The following EXOC6B variants were observed in gnomAD, a reference collection of about 807,000 sequenced individuals.
EXOC6B encodes SEC15 homolog B.
Under a neutral mutation model 113.5 loss-of-function variants are expected in EXOC6B, and 54 were observed. The observed-to-expected ratio is 0.48, with a 90% CI of 0.38 to 0.60. The LOEUF (loss-of-function observed/expected upper bound fraction) is 0.60. Ranked by LOEUF, EXOC6B falls within the 20% of genes least tolerant of loss-of-function variation. The probability of loss-of-function intolerance (pLI) is 0.00; values close to 1 mark genes in which losing one functional copy is unlikely to be tolerated. For synonymous variants in EXOC6B, 357 were observed against 339.0 expected (o/e 1.05, Z -0.58); for missense variants, 797 against 977.5 (o/e 0.82, Z 2.46).
chr2:72,393,635 C>T (rs1338710562), intron 18 of EXOC6B, among the ~76,000 whole-genome samples: 1 of 152,004 alleles, frequency 6.6e-6, no homozygotes, highest in Non-Finnish European at 1.5e-5. Flanking sequence ...TATATGAAAC[C>T]AGAAGAAAAC....
Position 72,177,343 on chromosome 2 carries a change from GC to G in EXOC6B, c.*1991del, listed in dbSNP as rs1677791185. Reference sequence around the variant, plus strand: ...TCCATTTCCACTTCAAAGTCTCTCAGCACTTAAAGCTGAAGAGATCTTGCTG... The same window carrying G: ...TCCATTTCCACTTCAAAGTCTCTCAGACTTAAAGCTGAAGAGATCTTGCTG... On this transcript the variant is annotated 3_prime_UTR_variant, in exon 22 of 22. Transcript: ENST00000272427. 6.6e-6 allele frequency: 1 copy of G among 152,200 alleles called. No homozygotes were observed. Among genetic ancestry groups the G allele is most frequent in the Non-Finnish European group, 1.5e-5 (1 of 68,042 alleles). 9.4% of individuals were successfully genotyped at this position (152,200 alleles called of 1,614,324 possible).
At chr2:72,363,617 G>T (rs1690447237) in intron 19 of EXOC6B, among the ~76,000 whole-genome samples, 1 of 152,022 alleles carries the variant, frequency 6.6e-6, no homozygotes, top group Admixed American at 6.6e-5. Flanking sequence ...TGATGATGAT[G>T]ATGATGATGA....
chr2:72,649,099 C>G (rs1414507654), intron 6 of EXOC6B, among the ~76,000 whole-genome samples: 1 of 152,068 alleles, frequency 6.6e-6, no homozygotes, highest in Non-Finnish European at 1.5e-5. Context: ...ATAATCACAC[C>G]ACTGCTTTCC....
At chr2:72,757,735 A>C (rs569551709) in intron 1 of EXOC6B, among the ~76,000 whole-genome samples, 2 of 152,310 alleles carry the variant, frequency 1.3e-5, no homozygotes, top group East Asian at 3.9e-4. Flanking sequence ...AATGAAATGA[A>C]AACTCCTTCT....
At chr2:72,259,804 A>G (rs1683595189) in intron 20 of EXOC6B, among the ~76,000 whole-genome samples, 1 of 144,554 alleles carries the variant, frequency 6.9e-6, no homozygotes, top group Non-Finnish European at 1.5e-5. Context: ...TAATCCCAGC[A>G]CTTTGGGAAG....
In EXOC6B at chr2:72,823,471, AAAAAAAACAAAAAAC is replaced by A. The variant is rs1457075785; in HGVS notation, c.113+2312_113+2326del. Among the ~76,000 whole-genome samples the A allele has an allele frequency of 8.4e-4, 117 of 138,798 alleles. 11 individuals carry two copies. The highest frequency in any genetic ancestry group is 2.6e-3 in the African/African-American group (89 of 34,562). The allele number at this position is 138,798 out of a possible 152,430, so 91.1% of individuals were successfully genotyped here. A position where few individuals can be genotyped will look rare whatever the true frequency, so the allele number is the denominator to read the frequency against. On this transcript the variant is annotated intron_variant, in intron 1 of 21. Transcript: ENST00000272427. ...ATCAAAGTTTTAAGAAAAAAAAAAA[AAAAAAAACAAAAAAC>A]AAAAAAAAAGACAGTGGCCAGGCAC...
intron 1 of EXOC6B, among the ~76,000 whole-genome samples, chr2:72,823,486 C>CAAAAAAAA (rs1334851778): frequency 1.0e-5 from 1 of 97,016 alleles, no homozygotes. Context: ...AAACAAAAAA[C>CAAAAAAAA]AAAAAAAAAG....
rs181017824 is a variant in EXOC6B at position 72,380,362 on chromosome 2, A to G, written c.1981-492T>C. Among the ~76,000 whole-genome samples the G allele has an allele frequency of 2.8e-3, 434 of 152,332 alleles. 1 individual carries two copies. Among genetic ancestry groups the G allele is most frequent in the African/African-American group, 9.9e-3 (412 of 41,572 alleles). On this transcript the variant is annotated intron_variant, in intron 18 of 21. Coordinates refer to ENST00000272427, the MANE Select transcript of EXOC6B (RefSeq NM_015189.3). ...ATATAAAGTGAAAATAATTATGGCC[A>G]GGAGCGGTGGCTCACGCCTGTAATA...
At chr2:72,251,083 C>A (rs1191330736) in intron 20 of EXOC6B, among the ~76,000 whole-genome samples, 2 of 118,874 alleles carry the variant, frequency 1.7e-5, no homozygotes, top group African/African-American at 5.4e-5. Context: ...CCCCCTTGGC[C>A]TTTACTTGCT....
chr2:72,601,393 G>A (rs2104003103), intron 6 of EXOC6B, among the ~76,000 whole-genome samples: 1 of 152,010 alleles, frequency 6.6e-6, no homozygotes, highest in African/African-American at 2.4e-5. Context: ...CCATGTGTTA[G>A]CCAGGATGGT....
intron 20 of EXOC6B, among the ~76,000 whole-genome samples, chr2:72,328,610 T>A (rs549827957): frequency 6.6e-6 from 1 of 152,058 alleles, no homozygotes; most frequent in South Asian, 2.1e-4. Context: ...ATTAGGGAGG[T>A]CTATATCTAT....
At chr2:72,302,219 T>G (rs1021774047) in intron 20 of EXOC6B, among the ~76,000 whole-genome samples, 1 of 152,210 alleles carries the variant, frequency 6.6e-6, no homozygotes, top group African/African-American at 2.4e-5. Flanking sequence ...GGTATGATTT[T>G]GATTCTTTTG....
rs1686865334 is a variant in EXOC6B at position 72,825,749 on chromosome 2, C to A, written c.113+49G>T. On this transcript the variant is annotated intron_variant, in intron 1 of 21. Transcript: ENST00000272427. This position sits in a 1 kb window ranked among gnomAD's most constrained non-coding sequence, Gnocchi z 4.4. ...CGGAGGCCCGACCCAGAGGAGCCTG[C>A]CCCGTCCCGCCCGTTCCCGCCCCTC... The A allele has an allele frequency of 1.3e-6, 2 of 1,571,876 alleles. No individual in the cohort carries two copies. The highest frequency in any genetic ancestry group is 1.7e-5 in the Admixed American group (1 of 57,606).
chr2:72,375,719 CAAAT>C (rs1691318038), intron 19 of EXOC6B, among the ~76,000 whole-genome samples: 1 of 151,832 alleles, frequency 6.6e-6, no homozygotes, highest in African/African-American at 2.4e-5. Flanking sequence ...AAGATAATCT[CAAAT>C]AAATTATCTA....
chr2:72,394,258 T>C lies in EXOC6B; in HGVS notation c.1981-14388A>G, dbSNP rs1401252571. Among the ~76,000 whole-genome samples the C allele has an allele frequency of 5.9e-5, 9 of 152,314 alleles. 1 individual carries two copies. Among genetic ancestry groups the C allele is most frequent in the Admixed American group, 5.9e-4 (9 of 15,300 alleles). Reference sequence around the variant, plus strand: ...CATATTTTACAAAGTATATCTTTTATAGTCATATGATTTTGTTTTTTTATT... The same window carrying C: ...CATATTTTACAAAGTATATCTTTTACAGTCATATGATTTTGTTTTTTTATT... On this transcript the variant is annotated intron_variant, in intron 18 of 21. Coordinates refer to ENST00000272427, the MANE Select transcript of EXOC6B (RefSeq NM_015189.3).
chr2:72,528,764 G>A (rs1483533604), intron 8 of EXOC6B, among the ~76,000 whole-genome samples: 1 of 151,972 alleles, frequency 6.6e-6, no homozygotes, highest in African/African-American at 2.4e-5. Flanking sequence ...TTCTTAGATT[G>A]AAACTAAGTA....
At chr2:72,665,695 A>G (rs879667772) in intron 6 of EXOC6B, among the ~76,000 whole-genome samples, 6 of 152,248 alleles carry the variant, frequency 3.9e-5, no homozygotes, top group East Asian at 3.8e-4. Context: ...GTGTTTAACA[A>G]AGCACTAAAT....
chr2:72,615,268 A>C (rs151276131), intron 6 of EXOC6B, among the ~76,000 whole-genome samples: 39 of 152,238 alleles, frequency 2.6e-4, no homozygotes, highest in Admixed American at 4.6e-4. Flanking sequence ...TATATAAATA[A>C]TTTTATATAT....
intron 20 of EXOC6B, among the ~76,000 whole-genome samples, chr2:72,297,504 C>T (rs567984380): frequency 6.6e-6 from 1 of 152,146 alleles, no homozygotes; most frequent in Admixed American, 6.5e-5. Context: ...CTGTGTTCTC[C>T]TTCAGTTCTG....
Sources: allele counts gnomAD v4.1 joint callset (sites outside exome capture counted in the v4.1 genomes callset), GRCh38; gene constraint gnomAD v4.1.1; non-coding constraint Gnocchi (gnomAD v3.1); transcripts MANE v1.5; gene names NCBI Gene and HGNC (gene_info 2026-07-23, HGNC 2026-07-21).